Variants in ADAMTS5 observed in about 807,000 individuals in gnomAD.
ADAMTS5 encodes the protein ADAM metallopeptidase with thrombospondin type 1 motif 5, also known as A disintegrin and metalloproteinase with thrombospondin motifs 5.
A neutral mutation model predicts 81.4 loss-of-function variants in ADAMTS5; 54 were observed. That is an observed-to-expected ratio of 0.66 (90% CI 0.53 to 0.83). The LOEUF is 0.83. ADAMTS5 is among the 40% of genes least tolerant of loss of function. ADAMTS5 has a pLI of 0.00. For synonymous variants in ADAMTS5, 532 were observed against 508.8 expected (o/e 1.05, Z -0.61); for missense variants, 1,194 against 1,229.9 (o/e 0.97, Z 0.44).
At chr21:26,939,833 T>C (rs1987080572) in intron 3 of ADAMTS5, 1 of 152,224 alleles carries the variant, frequency 6.6e-6, no homozygotes, top group African/African-American at 2.4e-5. Context: ...AGGATCATAC[T>C]CCTAGCCAGC....
intron 4 of ADAMTS5, among the ~76,000 whole-genome samples, chr21:26,933,640 C>G (rs771390968): frequency 1.6e-4 from 24 of 152,230 alleles, no homozygotes; most frequent in Non-Finnish European, 2.8e-4. Context: ...AGACACACCC[C>G]TTAGGGAAGG....
In ADAMTS5 at chr21:26,943,416, A is replaced by T; in HGVS notation, c.1369T>A (p.Ser457Thr). 1 of 1,613,564 alleles carries T rather than the reference A, an allele frequency of 6.2e-7. No individual in the cohort carries two copies. The highest frequency in any genetic ancestry group is 8.5e-7 in the Non-Finnish European group (1 of 1,179,680). Residue 457 changes from serine (S) to threonine (T), a missense_variant, in exon 3 of 8, where the codon TCA becomes ACA. Transcript: ENST00000284987. Reference sequence around the variant, plus strand: ...TCCAGGAATTCTGTGATGGTGGCTGAAGTGCATTTGGACCAGGGCTTAGAT... The same window carrying T: ...TCCAGGAATTCTGTGATGGTGGCTGTAGTGCATTTGGACCAGGGCTTAGAT... ...DASKPWSKCT[S>T]ATITEFLDDG...
At position 26,936,813 on chromosome 21, in the gene ADAMTS5, C is replaced by T. The variant is rs566283553; in HGVS notation, c.1406-2064G>A. Among the ~76,000 whole-genome samples the T allele has an allele frequency of 2.0e-5, 3 of 152,264 alleles. No individual in the cohort carries two copies. The South Asian group carries it at 6.2e-4, about 32-fold the overall frequency. On this transcript the variant is annotated intron_variant, in intron 3 of 7. Coordinates refer to ENST00000284987, the MANE Select transcript of ADAMTS5 (RefSeq NM_007038.5). Reference sequence around the variant, plus strand: ...AGCTCACTAAGCTTTGTTTATAAGACAGAGTGCGATTAGGGCTTCAGAACT... The same window carrying T: ...AGCTCACTAAGCTTTGTTTATAAGATAGAGTGCGATTAGGGCTTCAGAACT...
chr21:26,940,513 ATTGTTAAATAATATCATTTC>A (rs1427059040), intron 3 of ADAMTS5, among the ~76,000 whole-genome samples: 1 of 151,984 alleles, frequency 6.6e-6, no homozygotes, highest in Non-Finnish European at 1.5e-5. Flanking sequence ...CCTTTCTCTT[ATTGTTAAATAATATCATTTC>A]TTGTTCTCAG....
At chr21:26,931,292 G>T (rs1302817200) in intron 6 of ADAMTS5, among the ~76,000 whole-genome samples, 2 of 152,096 alleles carry the variant, frequency 1.3e-5, no homozygotes, top group Non-Finnish European at 2.9e-5. Flanking sequence ...TGATCTGCCC[G>T]CCTCAGCTTC....
intron 2 of ADAMTS5, among the ~76,000 whole-genome samples, chr21:26,953,291 C>T (rs162510): frequency 0.23 from 35,232 of 152,140 alleles, 4,760 homozygotes; most frequent in Admixed American, 0.31. Context: ...AAGCCAAAGA[C>T]GCCTAATCAA....
intron 3 of ADAMTS5, among the ~76,000 whole-genome samples, chr21:26,940,055 C>G (rs1345421875): frequency 6.6e-6 from 1 of 152,204 alleles, no homozygotes. Context: ...ACACTCAGTA[C>G]TAATGAATTT....
At chr21:26,958,869 T>A (rs1987475536) in intron 1 of ADAMTS5, among the ~76,000 whole-genome samples, 1 of 152,162 alleles carries the variant, frequency 6.6e-6, no homozygotes, top group South Asian at 2.1e-4. Flanking sequence ...TCCATAAAGG[T>A]GTCTCCACGG....
At chr21:26,943,288 G>A (rs1987148276) in intron 3 of ADAMTS5, 92 bp downstream of exon 3, 4 of 1,239,108 alleles carry the variant, frequency 3.2e-6, no homozygotes, top group Non-Finnish European at 1.1e-6. Flanking sequence ...GTCTTAGAGG[G>A]CAAGATGAAT....
intron 1 of ADAMTS5, among the ~76,000 whole-genome samples, chr21:26,956,562 A>G (rs1987431183): frequency 6.6e-6 from 1 of 152,196 alleles, no homozygotes; most frequent in Admixed American, 6.6e-5. Flanking sequence ...ATACATTTTT[A>G]AGCCCCTCCC....
In ADAMTS5 at chr21:26,966,456, A is replaced by G. The variant is rs895920017; in HGVS notation, c.-65T>C. 2.9e-6 allele frequency: 4 copies of G among 1,373,962 alleles called. No individual in the cohort carries two copies. Among genetic ancestry groups the G allele is most frequent in the South Asian group, 3.4e-5 (2 of 59,214 alleles). 85.1% of individuals were successfully genotyped at this position (1,373,962 alleles called of 1,614,324 possible). A position where few individuals can be genotyped will look rare whatever the true frequency, so the allele number is the denominator to read the frequency against. On this transcript the variant is annotated 5_prime_UTR_variant, in exon 1 of 8. Coordinates refer to ENST00000284987, the MANE Select transcript of ADAMTS5 (RefSeq NM_007038.5). ...TTATGGGTATTTGTTATTTGCTATG[A>G]AGTTAACGGGGCGGGGGATGGGGAC...
intron 1 of ADAMTS5, among the ~76,000 whole-genome samples, chr21:26,963,502 C>T (rs1022000356): frequency 6.6e-6 from 1 of 151,310 alleles, no homozygotes; most frequent in African/African-American, 2.4e-5. Flanking sequence ...TGACCCACTC[C>T]TTGGCGCAGT....
chr21:26,945,721 T>A (rs1345477514), intron 2 of ADAMTS5, among the ~76,000 whole-genome samples: 1 of 152,202 alleles, frequency 6.6e-6, no homozygotes, highest in East Asian at 1.9e-4. Flanking sequence ...GCATCATTTA[T>A]GAATCTTTTG....
At chr21:26,927,100 G>A (rs1180644332) in intron 7 of ADAMTS5, among the ~76,000 whole-genome samples, 1 of 152,056 alleles carries the variant, frequency 6.6e-6, no homozygotes, top group Non-Finnish European at 1.5e-5. Context: ...CAGCTTTCCC[G>A]ACTACCATAA....
chr21:26,921,449 T>TA lies in ADAMTS5; in HGVS notation c.*2603_*2604insT, dbSNP rs1300625181. On this transcript the variant is annotated 3_prime_UTR_variant, in exon 8 of 8. Transcript: ENST00000284987. ...CCTGAGCATTTTCAGACGAATTCTTTTTTTTTTTTTTTTTTAAAGAAGTAG... is the reference window on the plus strand; with the variant it reads ...CCTGAGCATTTTCAGACGAATTCTTTATTTTTTTTTTTTTTTAAAGAAGTAG... 1 of 150,324 alleles carries TA rather than the reference T, an allele frequency of 6.7e-6. No individual in the cohort carries two copies. Among genetic ancestry groups the TA allele is most frequent in the Non-Finnish European group, 1.5e-5 (1 of 67,438 alleles). 9.3% of individuals were successfully genotyped at this position (150,324 alleles called of 1,614,324 possible).
intron 2 of ADAMTS5, among the ~76,000 whole-genome samples, chr21:26,947,730 C>A (rs144648350): frequency 1.3e-5 from 2 of 152,096 alleles, no homozygotes; most frequent in East Asian, 1.9e-4. Context: ...CCACTGCGCC[C>A]GATCAGAACT....
At position 26,962,864 on chromosome 21, in the gene ADAMTS5, C is replaced by CT. The variant is rs796502414; in HGVS notation, c.1104+2423dup. On this transcript the variant is annotated intron_variant, in intron 1 of 7. Transcript: ENST00000284987. ...CTCAGATCATCTCTCCTCCAGACTTCTTTTTTTTTTTCATGCTCTGAAGTA... is the reference window on the plus strand; with the variant it reads ...CTCAGATCATCTCTCCTCCAGACTTCTTTTTTTTTTTTCATGCTCTGAAGTA... Among the ~76,000 whole-genome samples the CT allele has an allele frequency of 8.7e-3, 1,273 of 145,856 alleles. 16 individuals are homozygous for CT. Among genetic ancestry groups the CT allele is most frequent in the African/African-American group, 0.028 (1,104 of 39,922 alleles).
intron 1 of ADAMTS5, among the ~76,000 whole-genome samples, chr21:26,964,603 G>A (rs1407678693): frequency 1.3e-5 from 2 of 152,186 alleles, no homozygotes; most frequent in African/African-American, 4.8e-5. Flanking sequence ...CTAAGCAAAG[G>A]AGTTGTTAAG....
rs1194649689 is a variant in ADAMTS5, at chr21:26,965,367, CA to C, written c.1024del (p.Cys342AlafsTer55). On this transcript the variant is annotated frameshift_variant, in exon 1 of 8. Coordinates refer to ENST00000284987, the MANE Select transcript of ADAMTS5 (RefSeq NM_007038.5). LOFTEE classifies it high-confidence loss of function. ...KNAATTLKNF[C>X]KWQHQHNQLG... ...CTGGTTGTGTTGGTGCTGCCACTTGCAAAAGTTCTTGAGTGTGGTGGCAGCG... is the reference window on the plus strand; with the variant it reads ...CTGGTTGTGTTGGTGCTGCCACTTGCAAAGTTCTTGAGTGTGGTGGCAGCG... 6.2e-7 allele frequency: 1 copy of C among 1,614,240 alleles called. No individual in the cohort carries two copies. The highest frequency in any genetic ancestry group is 1.3e-5 in the African/African-American group (1 of 75,062).
Sources: allele counts gnomAD v4.1 joint callset (sites outside exome capture counted in the v4.1 genomes callset), GRCh38; gene constraint gnomAD v4.1.1; transcripts MANE v1.5; gene names NCBI Gene and HGNC (gene_info 2026-07-23, HGNC 2026-07-21).